The following PDZD2 variants were observed in gnomAD, a reference collection of about 807,000 sequenced individuals.
The protein encoded by PDZD2 is PDZ domain-containing protein 2.
Under a neutral mutation model 220.7 loss-of-function variants are expected in PDZD2, and 90 were observed. The observed-to-expected ratio is 0.41, with a 90% CI of 0.34 to 0.49. The LOEUF (loss-of-function observed/expected upper bound fraction) is 0.49. Among genes scored for constraint, PDZD2 ranks in the 20% least tolerant of loss-of-function variants. The pLI is 0.28. For synonymous variants in PDZD2, 1,375 were observed against 1,450.5 expected (o/e 0.95, Z 1.18); for missense variants, 3,174 against 3,608.5 (o/e 0.88, Z 3.08).
intron 2 of PDZD2, among the ~76,000 whole-genome samples, chr5:31,931,411 A>G (rs952283877): frequency 1.3e-5 from 2 of 151,524 alleles, no homozygotes; most frequent in Non-Finnish European, 2.9e-5. Context: ...ACCTGCCTTG[A>G]CCTCCCAAAG....
At chr5:31,745,167 T>C (rs1750520107) in intron 1 of PDZD2, among the ~76,000 whole-genome samples, 1 of 152,228 alleles carries the variant, frequency 6.6e-6, no homozygotes, top group Non-Finnish European at 1.5e-5. Context: ...CAGTGCCTTC[T>C]TTTTAATGTT....
intron 1 of PDZD2, among the ~76,000 whole-genome samples, chr5:31,672,611 C>T (rs1204211132): frequency 2.0e-5 from 3 of 152,216 alleles, no homozygotes; most frequent in African/African-American, 7.2e-5. Context: ...CTCTCGGGCC[C>T]TCTCAGTACC....
intron 2 of PDZD2, among the ~76,000 whole-genome samples, chr5:31,956,024 C>CTGTACTGCTGCTTAT (rs1747642872): frequency 1.3e-5 from 2 of 152,080 alleles, no homozygotes; most frequent in Admixed American, 1.3e-4. Flanking sequence ...ATTGTTAAGA[C>CTGTACTGCTGCTTAT]TTCCTTTGTA....
At chr5:32,019,939 T>C (rs1189045052) in intron 6 of PDZD2, among the ~76,000 whole-genome samples, 1 of 152,150 alleles carries the variant, frequency 6.6e-6, no homozygotes, top group Non-Finnish European at 1.5e-5. Flanking sequence ...CAAATTTTCC[T>C]CTTATTTGTA....
intron 6 of PDZD2, among the ~76,000 whole-genome samples, chr5:32,014,741 G>T: frequency 1.0e-5 from 1 of 95,480 alleles, no homozygotes; most frequent in African/African-American, 7.8e-5. Flanking sequence ...TTTTGAGATG[G>T]AGTTTCACTC....
intron 2 of PDZD2, among the ~76,000 whole-genome samples, chr5:31,976,281 T>C (rs1435383954): frequency 6.6e-6 from 1 of 152,200 alleles, no homozygotes; most frequent in Non-Finnish European, 1.5e-5. Context: ...AGTTGTTCTC[T>C]GGGAACCTGT....
chr5:31,922,094 T>G (rs76738051), intron 2 of PDZD2, among the ~76,000 whole-genome samples: 22 of 55,732 alleles, frequency 3.9e-4, no homozygotes, highest in Admixed American at 3.7e-3. Flanking sequence ...AGAAAATTCT[T>G]CTTGTGGGAA....
intron 2 of PDZD2, among the ~76,000 whole-genome samples, chr5:31,974,797 A>T (rs1407160188): frequency 6.6e-6 from 1 of 152,130 alleles, no homozygotes; most frequent in Non-Finnish European, 1.5e-5. Flanking sequence ...CACACCTGTA[A>T]TGCCAGCACT....
At chr5:31,969,502 C>G (rs1274116201) in intron 2 of PDZD2, among the ~76,000 whole-genome samples, 1 of 48,580 alleles carries the variant, frequency 2.1e-5, no homozygotes. Flanking sequence ...GAGCAAGGCC[C>G]CCTCTCCAAA....
chr5:32,102,242 G>T (rs1311328362), intron 24 of PDZD2, among the ~76,000 whole-genome samples: 1 of 152,162 alleles, frequency 6.6e-6, no homozygotes, highest in African/African-American at 2.4e-5. Context: ...GGATGACAGA[G>T]AAATGTGCAC....
intron 2 of PDZD2, among the ~76,000 whole-genome samples, chr5:31,975,366 C>T (rs972706240): frequency 6.6e-6 from 1 of 152,150 alleles, no homozygotes; most frequent in Non-Finnish European, 1.5e-5. Context: ...CTCACTCTCA[C>T]GAGAACAGCA....
chr5:31,839,393 GA>G (rs534482581), intron 2 of PDZD2, among the ~76,000 whole-genome samples: 52 of 149,086 alleles, frequency 3.5e-4, no homozygotes, highest in Middle Eastern at 3.4e-3. Flanking sequence ...TGTGGTAAAA[GA>G]AAAAAAAACA....
intron 1 of PDZD2, among the ~76,000 whole-genome samples, chr5:31,688,971 T>A (rs2150126850): frequency 6.6e-6 from 1 of 152,256 alleles, no homozygotes; most frequent in East Asian, 1.9e-4. Context: ...AGCTGGGAGC[T>A]CAATGGCCTA....
intron 7 of PDZD2, among the ~76,000 whole-genome samples, chr5:32,041,199 C>A (rs1458455532): frequency 1.3e-5 from 2 of 150,730 alleles, no homozygotes; most frequent in African/African-American, 4.9e-5. Flanking sequence ...TGCCCGGCCG[C>A]CCCGTCTGGG....
chr5:32,057,861 C>T lies in PDZD2; in HGVS notation c.1975-17C>T, dbSNP rs1318318529. 4 of 1,564,882 alleles carry T rather than the reference C, an allele frequency of 2.6e-6. No homozygotes were observed. The highest frequency in any genetic ancestry group is 1.1e-5 in the South Asian group (1 of 90,100). On this transcript the variant is annotated splice_polypyrimidine_tract_variant and intron_variant, in intron 11 of 24. Coordinates refer to ENST00000438447, the MANE Select transcript of PDZD2 (RefSeq NM_178140.4). Reference sequence around the variant, plus strand: ...ATTCCAAATGTTTCAGCCCACCTTTCCTCACTGTTTTCTCAGCAAATCCGG... The same window carrying T: ...ATTCCAAATGTTTCAGCCCACCTTTTCTCACTGTTTTCTCAGCAAATCCGG...
At chr5:31,931,531 G>A (rs970400600) in intron 2 of PDZD2, among the ~76,000 whole-genome samples, 4 of 152,142 alleles carry the variant, frequency 2.6e-5, no homozygotes, top group African/African-American at 9.7e-5. Context: ...GGCAGGAGTT[G>A]AGGGTCTGAG....
At position 31,709,934 on chromosome 5, in the gene PDZD2, C is replaced by T. The variant is rs540441933; in HGVS notation, c.-361+70497C>T. ...TCACGCCACTGCACTTCAGCCTGGG[C>T]AACAGAGTGAGACTCCATCTCAAAA... On this transcript the variant is annotated intron_variant, in intron 1 of 24. Transcript: ENST00000438447. Among the ~76,000 whole-genome samples the T allele has an allele frequency of 2.0e-5, 3 of 152,300 alleles. No homozygotes were observed. In the East Asian group the frequency reaches 5.8e-4, roughly 29 times the overall value.
intron 2 of PDZD2, among the ~76,000 whole-genome samples, chr5:31,841,320 G>A (rs541367029): frequency 1.4e-4 from 21 of 152,256 alleles, no homozygotes; most frequent in Middle Eastern, 6.8e-3. Flanking sequence ...CCAAATGTGT[G>A]ACCTTGGGTT....
Position 32,109,196 on chromosome 5 carries a change from G to GGAGA in PDZD2, c.*1062_*1065dup, listed in dbSNP as rs1298292183. On this transcript the variant is annotated 3_prime_UTR_variant, in exon 25 of 25. Coordinates refer to ENST00000438447, the MANE Select transcript of PDZD2 (RefSeq NM_178140.4). ...AGAGGAGCTTAATGGAATCCTTTTA[G>GGAGA]GAGACTGGTTGGTTTTTTTCCCTCT... 6.6e-6 allele frequency: 1 copy of GGAGA among 152,186 alleles called. No individual in the cohort carries two copies. The highest frequency in any genetic ancestry group is 1.5e-5 in the Non-Finnish European group (1 of 68,048). 9.4% of individuals were successfully genotyped at this position (152,186 alleles called of 1,614,324 possible). A position where few individuals can be genotyped will look rare whatever the true frequency, so the allele number is the denominator to read the frequency against.
Sources: gnomAD v4.1 joint callset for allele counts (sites outside exome capture counted in the v4.1 genomes callset) on GRCh38, gnomAD v4.1.1 for gene constraint, MANE v1.5 for transcripts, NCBI Gene and HGNC (gene_info 2026-07-23, HGNC 2026-07-21) for gene names.